Variants in CFAP299 observed in about 807,000 individuals in gnomAD.
CFAP299 encodes cilia and flagella associated protein 299, also known as cilia- and flagella-associated protein 299.
A neutral mutation model predicts 27.0 loss-of-function variants in CFAP299; 21 were observed. That is an observed-to-expected ratio of 0.78 (90% CI 0.55 to 1.12). The LOEUF is 1.12. Ranked by LOEUF, CFAP299 falls within the 50% of genes most tolerant of loss-of-function variation. The pLI is 0.00. For synonymous variants in CFAP299, 104 were observed against 98.1 expected (o/e 1.06, Z -0.36); for missense variants, 310 against 276.6 (o/e 1.12, Z -0.86).
intron 4 of CFAP299, among the ~76,000 whole-genome samples, chr4:80,931,190 A>AGTG (rs1736599111): frequency 6.7e-6 from 1 of 150,056 alleles, no homozygotes; most frequent in African/African-American, 2.5e-5. Flanking sequence ...TGAGTGAGTG[A>AGTG]ATTAGCATGG....
chr4:80,948,194 A>T (rs1737572074), intron 5 of CFAP299, among the ~76,000 whole-genome samples: 1 of 152,194 alleles, frequency 6.6e-6, no homozygotes, highest in Non-Finnish European at 1.5e-5. Flanking sequence ...ATGTGGACTC[A>T]TTAATTCTGA....
At chr4:80,338,771 G>A (rs1458832530) in intron 1 of CFAP299, among the ~76,000 whole-genome samples, 4 of 152,078 alleles carry the variant, frequency 2.6e-5, no homozygotes, top group African/African-American at 7.2e-5. Context: ...CTTACAGTCC[G>A]GTCTAAGTTT....
intron 2 of CFAP299, among the ~76,000 whole-genome samples, chr4:80,463,433 T>C (rs181653021): frequency 8.5e-4 from 129 of 152,324 alleles, no homozygotes; most frequent in Middle Eastern, 3.4e-3. Context: ...GTTGAAATGA[T>C]CCTAGGTCCT....
intron 3 of CFAP299, among the ~76,000 whole-genome samples, chr4:80,680,116 C>G (rs1362344135): frequency 6.6e-6 from 1 of 152,050 alleles, no homozygotes; most frequent in Non-Finnish European, 1.5e-5. Context: ...TCTACTGCCT[C>G]TTCTCTGGAA....
intron 1 of CFAP299, among the ~76,000 whole-genome samples, chr4:80,347,417 A>G (rs1205483877): frequency 6.6e-6 from 1 of 152,082 alleles, no homozygotes; most frequent in Non-Finnish European, 1.5e-5. Flanking sequence ...TTAAGCTGAT[A>G]TGCAACTTCA....
intron 3 of CFAP299, among the ~76,000 whole-genome samples, chr4:80,639,516 T>G (rs985784710): frequency 1.3e-5 from 2 of 152,112 alleles, no homozygotes; most frequent in Non-Finnish European, 2.9e-5. Flanking sequence ...TTTAAGACAG[T>G]GACAGAAAAT....
At chr4:80,807,948 A>T (rs1488417982) in intron 3 of CFAP299, among the ~76,000 whole-genome samples, 1 of 152,040 alleles carries the variant, frequency 6.6e-6, no homozygotes, top group Admixed American at 6.6e-5. Flanking sequence ...GTAACTCTAC[A>T]TGCAGTTGCT....
chr4:80,671,941 A>T (rs992694984), intron 3 of CFAP299, among the ~76,000 whole-genome samples: 1 of 152,154 alleles, frequency 6.6e-6, no homozygotes, highest in African/African-American at 2.4e-5. Flanking sequence ...TCATCATGTC[A>T]TCTGCACACA....
At chr4:80,741,226 G>A (rs1407434483) in intron 3 of CFAP299, among the ~76,000 whole-genome samples, 1 of 152,020 alleles carries the variant, frequency 6.6e-6, no homozygotes, top group Non-Finnish European at 1.5e-5. Flanking sequence ...GGTTATTCAG[G>A]GACAAGTGTT....
chr4:80,855,410 AT>A (rs1731793994), intron 3 of CFAP299, among the ~76,000 whole-genome samples: 1 of 151,412 alleles, frequency 6.6e-6, no homozygotes, highest in African/African-American at 2.4e-5. Flanking sequence ...TTATTTATTT[AT>A]TTTTATTATT....
At chr4:80,662,277 G>A (rs955030806) in intron 3 of CFAP299, among the ~76,000 whole-genome samples, 63 of 152,140 alleles carry the variant, frequency 4.1e-4, no homozygotes, top group African/African-American at 1.1e-3. Context: ...ACCAGCCGAC[G>A]TGTGATGTCT....
intron 2 of CFAP299, among the ~76,000 whole-genome samples, chr4:80,401,454 G>A (rs1002628548): frequency 6.6e-6 from 1 of 152,330 alleles, no homozygotes; most frequent in East Asian, 1.9e-4. Context: ...AGGGGCCAAT[G>A]TACAGCTTGG....
At chr4:80,805,077 T>A (rs1335387896) in intron 3 of CFAP299, among the ~76,000 whole-genome samples, 1 of 152,082 alleles carries the variant, frequency 6.6e-6, no homozygotes, top group Non-Finnish European at 1.5e-5. Flanking sequence ...AAATGCATTA[T>A]TATAATTTCC....
At chr4:80,724,530 T>C (rs1723033969) in intron 3 of CFAP299, among the ~76,000 whole-genome samples, 1 of 152,182 alleles carries the variant, frequency 6.6e-6, no homozygotes, top group Non-Finnish European at 1.5e-5. Flanking sequence ...TTTTTGGAGT[T>C]AGATGAACTA....
intron 2 of CFAP299, among the ~76,000 whole-genome samples, chr4:80,434,057 C>A (rs977509230): frequency 6.6e-6 from 1 of 152,090 alleles, no homozygotes; most frequent in Non-Finnish European, 1.5e-5. Flanking sequence ...GGCATTAATA[C>A]AAAAGATAAG....
chr4:80,714,212 T>C (rs1722344874), intron 3 of CFAP299, among the ~76,000 whole-genome samples: 1 of 152,030 alleles, frequency 6.6e-6, no homozygotes, highest in South Asian at 2.1e-4. Context: ...TTATATGAAG[T>C]GTGGGCTATA....
chr4:80,620,537 G>C lies in CFAP299; in HGVS notation c.333+37354G>C, dbSNP rs145404696. 9.3e-4 allele frequency among the ~76,000 whole-genome samples: 141 copies of C among 152,158 alleles called. 1 individual carries two copies. Among genetic ancestry groups the C allele is most frequent in the African/African-American group, 3.3e-3 (137 of 41,550 alleles). ...TGGATTTTCTGTTTGCTTTACAATT[G>C]GGTGAACTTAAACTATGTTTCAGTT... On this transcript the variant is annotated intron_variant, in intron 3 of 5. Coordinates refer to ENST00000358105, the MANE Select transcript of CFAP299 (RefSeq NM_152770.3).
At chr4:80,355,558 C>A (rs1459996658) in intron 1 of CFAP299, among the ~76,000 whole-genome samples, 1 of 151,992 alleles carries the variant, frequency 6.6e-6, no homozygotes, top group Non-Finnish European at 1.5e-5. Flanking sequence ...TGGGTTTCAC[C>A]ATTTGGACAG....
At chr4:80,643,711 G>A (rs1034290992) in intron 3 of CFAP299, among the ~76,000 whole-genome samples, 2 of 152,094 alleles carry the variant, frequency 1.3e-5, no homozygotes, top group Non-Finnish European at 2.9e-5. Flanking sequence ...TTGACCATAG[G>A]AACTTATAGA....
Sources: allele counts gnomAD v4.1 joint callset (sites outside exome capture counted in the v4.1 genomes callset), GRCh38; gene constraint gnomAD v4.1.1; transcripts MANE v1.5; gene names NCBI Gene and HGNC (gene_info 2026-07-23, HGNC 2026-07-21).